The following DOK6 variants were observed in gnomAD, a reference collection of about 807,000 sequenced individuals.
The protein encoded by DOK6 is docking protein 6.
A neutral mutation model predicts 44.0 loss-of-function variants in DOK6; 22 were observed. The observed-to-expected ratio is 0.50, with a 90% CI of 0.36 to 0.71. The LOEUF (loss-of-function observed/expected upper bound fraction) is 0.71, where lower values mean the gene tolerates loss of function less well. Ranked by LOEUF, DOK6 falls within the 30% of genes least tolerant of loss-of-function variation. The pLI is 0.00. For synonymous variants in DOK6, 166 were observed against 145.5 expected (o/e 1.14, Z -1.01); for missense variants, 340 against 416.4 (o/e 0.82, Z 1.60).
At chr18:69,440,633 T>C (rs1470175113) in intron 1 of DOK6, among the ~76,000 whole-genome samples, 2 of 152,136 alleles carry the variant, frequency 1.3e-5, no homozygotes, top group Non-Finnish European at 2.9e-5. Flanking sequence ...CCTTGTAGAC[T>C]TTTTTCCACT....
intron 3 of DOK6, among the ~76,000 whole-genome samples, chr18:69,617,441 GGAGA>G (rs1355754392): frequency 6.8e-6 from 1 of 147,136 alleles, no homozygotes; most frequent in South Asian, 2.2e-4. Context: ...AAAGAGGGAG[GGAGA>G]GAGGGAGGAA....
chr18:69,514,133 C>G (rs919955485), intron 1 of DOK6, among the ~76,000 whole-genome samples: 1 of 151,624 alleles, frequency 6.6e-6, no homozygotes, highest in African/African-American at 2.4e-5. Context: ...TATTTGATTA[C>G]CTGTTTGTGT....
intron 1 of DOK6, among the ~76,000 whole-genome samples, chr18:69,485,339 C>A (rs1980544540): frequency 6.6e-6 from 1 of 152,064 alleles, no homozygotes; most frequent in African/African-American, 2.4e-5. Context: ...ATGTATTTTT[C>A]TTAGAAATAT....
At chr18:69,766,041 G>C (rs1216252539) in intron 7 of DOK6, among the ~76,000 whole-genome samples, 1 of 152,096 alleles carries the variant, frequency 6.6e-6, no homozygotes, top group Admixed American at 6.6e-5. Flanking sequence ...CAGTGGATTG[G>C]ATCAAGAAAT....
chr18:69,634,492 C>G (rs1314681825), intron 3 of DOK6, among the ~76,000 whole-genome samples: 1 of 152,134 alleles, frequency 6.6e-6, no homozygotes, highest in African/African-American at 2.4e-5. Context: ...TTTAAGTTTT[C>G]CAGTTCACAA....
chr18:69,714,739 AT>A (rs1406357014), intron 5 of DOK6, among the ~76,000 whole-genome samples: 2 of 152,226 alleles, frequency 1.3e-5, no homozygotes, highest in Non-Finnish European at 2.9e-5. Flanking sequence ...TTGCAAGGCA[AT>A]TCACCTTGAT....
At chr18:69,464,877 C>A (rs1444117912) in intron 1 of DOK6, among the ~76,000 whole-genome samples, 4 of 152,134 alleles carry the variant, frequency 2.6e-5, no homozygotes, top group African/African-American at 9.7e-5. Flanking sequence ...AAGACAAAAC[C>A]TCTATTTTAA....
intron 2 of DOK6, among the ~76,000 whole-genome samples, chr18:69,571,947 A>G (rs1428590426): frequency 1.3e-5 from 2 of 152,112 alleles, no homozygotes; most frequent in Non-Finnish European, 2.9e-5. Flanking sequence ...TTTCAAGTTC[A>G]CATGACATGG....
chr18:69,531,890 C>T (rs116454747), intron 1 of DOK6, among the ~76,000 whole-genome samples: 414 of 152,174 alleles, frequency 2.7e-3, no homozygotes, highest in African/African-American at 9.2e-3. Flanking sequence ...TTGTTGAAGC[C>T]CTAATCCCCA....
intron 7 of DOK6, among the ~76,000 whole-genome samples, chr18:69,790,760 C>T (rs1364508556): frequency 6.6e-6 from 1 of 151,980 alleles, no homozygotes; most frequent in Non-Finnish European, 1.5e-5. Flanking sequence ...TCACCTGAAA[C>T]ATTTATCTTT....
rs530632828 is a variant in DOK6, at chr18:69,413,094, C to T, written c.66+11784C>T. Among the ~76,000 whole-genome samples the T allele has an allele frequency of 2.6e-5, 4 of 152,234 alleles. No individual in the cohort carries two copies. In the South Asian group the frequency reaches 8.3e-4, roughly 32 times the overall value. ...GTTGCTTAGTCTTGAACCTGGTTCT[C>T]CAGTCCTCTATTCCTATTTTGAAAT... On this transcript the variant is annotated intron_variant, in intron 1 of 7. Coordinates refer to ENST00000382713, the MANE Select transcript of DOK6 (RefSeq NM_152721.6).
intron 7 of DOK6, among the ~76,000 whole-genome samples, chr18:69,827,743 A>C (rs192276737): frequency 1.3e-5 from 2 of 152,030 alleles, no homozygotes; most frequent in Non-Finnish European, 1.5e-5. Context: ...AGCTTTCTGC[A>C]TACTGACTCC....
intron 1 of DOK6, among the ~76,000 whole-genome samples, chr18:69,410,744 CATCTAAGTAAT>C (rs993426234): frequency 9.2e-5 from 14 of 152,150 alleles, no homozygotes; most frequent in Admixed American, 3.3e-4. Context: ...TGTGTATTCT[CATCTAAGTAAT>C]TAAGATACCA....
At chr18:69,606,914 C>G (rs1387927062) in intron 3 of DOK6, among the ~76,000 whole-genome samples, 1 of 151,902 alleles carries the variant, frequency 6.6e-6, no homozygotes, top group Admixed American at 6.6e-5. Context: ...AAAAAATAAG[C>G]CTATCTATCT....
chr18:69,410,559 T>C (rs974724304), intron 1 of DOK6, among the ~76,000 whole-genome samples: 1 of 152,246 alleles, frequency 6.6e-6, no homozygotes, highest in Non-Finnish European at 1.5e-5. Flanking sequence ...TGCTTTATAA[T>C]GTGAACACAG....
intron 3 of DOK6, among the ~76,000 whole-genome samples, chr18:69,671,817 C>G (rs534824226): frequency 3.9e-4 from 60 of 152,262 alleles, no homozygotes; most frequent in Admixed American, 9.8e-4. Context: ...ATGATATAGA[C>G]CTAATTGTTC....
At chr18:69,422,709 T>C (rs533677922) in intron 1 of DOK6, among the ~76,000 whole-genome samples, 2 of 152,310 alleles carry the variant, frequency 1.3e-5, no homozygotes, top group African/African-American at 4.8e-5. Context: ...GACTTTCTAA[T>C]GGTTCTTTTT....
rs1048745692 is a variant in DOK6 at position 69,614,669 on chromosome 18, T to C, written c.289+15171T>C. Among the ~76,000 whole-genome samples the C allele has an allele frequency of 3.9e-5, 6 of 151,984 alleles. No homozygotes were observed. In the South Asian group the frequency reaches 1.2e-3, roughly 32 times the overall value. On this transcript the variant is annotated intron_variant, in intron 3 of 7. Coordinates refer to ENST00000382713, the MANE Select transcript of DOK6 (RefSeq NM_152721.6). ...GTGGCGTAGAAACTGTAAATAGAAA[T>C]TAATTTGTTTTGCATCCGTGTTACA...
At chr18:69,509,571 G>A (rs1031542867) in intron 1 of DOK6, among the ~76,000 whole-genome samples, 5 of 147,518 alleles carry the variant, frequency 3.4e-5, no homozygotes, top group African/African-American at 1.3e-4. Context: ...CCGGGAGGTG[G>A]AGCTTGCAGT....
Sources: gnomAD v4.1 joint callset for allele counts (sites outside exome capture counted in the v4.1 genomes callset) on GRCh38, gnomAD v4.1.1 for gene constraint, MANE v1.5 for transcripts, NCBI Gene and HGNC (gene_info 2026-07-23, HGNC 2026-07-21) for gene names.